TRIM44: variants seen among roughly 807,000 people sequenced by gnomAD.
The protein encoded by TRIM44 is tripartite motif-containing protein 44.
A neutral mutation model predicts 37.4 loss-of-function variants in TRIM44; 13 were observed. That is an observed-to-expected ratio of 0.35 (90% CI 0.23 to 0.55). The LOEUF (loss-of-function observed/expected upper bound fraction) is 0.55, where lower values mean the gene tolerates loss of function less well. Ranked by LOEUF, TRIM44 falls within the 20% of genes least tolerant of loss-of-function variation. The probability of loss-of-function intolerance (pLI) is 0.89; values close to 1 mark genes in which losing one functional copy is unlikely to be tolerated. For missense variants in TRIM44, 426 were observed against 437.2 expected, an observed-to-expected ratio of 0.97 and a Z score of 0.23; for synonymous variants, 175 against 157.2, an observed-to-expected ratio of 1.11 and a Z score of -0.85.
chr11:35,767,374 A>G (rs528407974), intron 4 of TRIM44, among the ~76,000 whole-genome samples: 153 of 152,282 alleles, frequency 1.0e-3, no homozygotes, highest in African/African-American at 2.5e-3. Flanking sequence ...TGAACATACA[A>G]GATCACCTTA....
At chr11:35,713,370 T>G (rs1564971202) in intron 2 of TRIM44, among the ~76,000 whole-genome samples, 1 of 152,220 alleles carries the variant, frequency 6.6e-6, no homozygotes, top group Non-Finnish European at 1.5e-5. Context: ...CTAAAGATGC[T>G]AGTAAGTTGC....
chr11:35,760,083 C>T (rs983027894), intron 4 of TRIM44, among the ~76,000 whole-genome samples: 5 of 152,204 alleles, frequency 3.3e-5, no homozygotes, highest in African/African-American at 1.2e-4. Flanking sequence ...TATGCCCTGC[C>T]CTCAGAGGTG....
At chr11:35,789,655 C>G (rs749039943) in intron 4 of TRIM44, among the ~76,000 whole-genome samples, 5 of 152,158 alleles carry the variant, frequency 3.3e-5, no homozygotes, top group Non-Finnish European at 7.3e-5. Flanking sequence ...CAGCAGGGAA[C>G]CTTGTCATCC....
chr11:35,801,596 G>A lies in TRIM44; in HGVS notation c.1008-4762G>A, dbSNP rs151276191. 3.4e-3 allele frequency among the ~76,000 whole-genome samples: 519 copies of A among 152,256 alleles called. 1 individual carries two copies. Among genetic ancestry groups the A allele is most frequent in the Non-Finnish European group, 5.7e-3 (391 of 68,010 alleles). ...TAAAAAATGGTCACAGTGAAACACTGTAAAATGATTATGATAAAATATAAT... is the reference window on the plus strand; with the variant it reads ...TAAAAAATGGTCACAGTGAAACACTATAAAATGATTATGATAAAATATAAT... On this transcript the variant is annotated intron_variant, in intron 4 of 4. Coordinates refer to ENST00000299413, the MANE Select transcript of TRIM44 (RefSeq NM_017583.6).
At chr11:35,695,491 G>A (rs2970320) in intron 2 of TRIM44, among the ~76,000 whole-genome samples, 42,945 of 151,846 alleles carry the variant, frequency 0.28, 6,488 homozygotes, top group Admixed American at 0.4. Flanking sequence ...AAACCAGTCC[G>A]TCTTTTCATT....
chr11:35,683,395 C>T (rs1277303403), intron 1 of TRIM44, among the ~76,000 whole-genome samples: 2 of 152,028 alleles, frequency 1.3e-5, no homozygotes, highest in Non-Finnish European at 2.9e-5. Flanking sequence ...ACTGTGTAGA[C>T]TTGAGAGGCA....
At chr11:35,763,191 TC>T (rs1852750996) in intron 4 of TRIM44, among the ~76,000 whole-genome samples, 1 of 152,004 alleles carries the variant, frequency 6.6e-6, no homozygotes, top group Non-Finnish European at 1.5e-5. Flanking sequence ...AACCATGCAA[TC>T]CACCCTAGTA....
At chr11:35,754,533 T>G (rs983490302) in intron 4 of TRIM44, among the ~76,000 whole-genome samples, 1 of 152,282 alleles carries the variant, frequency 6.6e-6, no homozygotes, top group East Asian at 1.9e-4. Flanking sequence ...ACTTTAAGTT[T>G]TAGGGTACAT....
intron 4 of TRIM44, among the ~76,000 whole-genome samples, chr11:35,798,207 A>G (rs1853318225): frequency 6.6e-6 from 1 of 152,214 alleles, no homozygotes; most frequent in African/African-American, 2.4e-5. Context: ...CACTGAATCA[A>G]AGGAAGCAAT....
At chr11:35,700,290 G>A (rs1395620231) in intron 2 of TRIM44, among the ~76,000 whole-genome samples, 1 of 152,130 alleles carries the variant, frequency 6.6e-6, no homozygotes, top group Non-Finnish European at 1.5e-5. Context: ...TAGTCAAGGT[G>A]TTCACACACA....
chr11:35,751,003 C>G (rs1284803351), intron 4 of TRIM44, among the ~76,000 whole-genome samples: 1 of 151,020 alleles, frequency 6.6e-6, no homozygotes, highest in Non-Finnish European at 1.5e-5. Flanking sequence ...GTTTTATGTT[C>G]TTTTTGTCTT....
rs972276043 is a variant in TRIM44 at position 35,722,253 on chromosome 11, A to C, written c.748-3671A>C. Among the ~76,000 whole-genome samples the C allele has an allele frequency of 3.3e-5, 5 of 152,360 alleles. No homozygotes were observed. In the South Asian group the frequency reaches 1.0e-3, roughly 32 times the overall value. Reference sequence around the variant, plus strand: ...CTTCAAACTCTATTTCATGCAGTCTACAATTTTTAAAGTTATTTTTGGAGT... The same window carrying C: ...CTTCAAACTCTATTTCATGCAGTCTCCAATTTTTAAAGTTATTTTTGGAGT... On this transcript the variant is annotated intron_variant, in intron 2 of 4. Coordinates refer to ENST00000299413, the MANE Select transcript of TRIM44 (RefSeq NM_017583.6).
At chr11:35,701,554 C>T (rs1851789138) in intron 2 of TRIM44, among the ~76,000 whole-genome samples, 1 of 152,132 alleles carries the variant, frequency 6.6e-6, no homozygotes, top group African/African-American at 2.4e-5. Flanking sequence ...GGGAATTGAA[C>T]CCTGAACCCA....
intron 4 of TRIM44, among the ~76,000 whole-genome samples, chr11:35,766,061 TTCTTC>T (rs2133862973): frequency 6.6e-6 from 1 of 152,306 alleles, no homozygotes; most frequent in Non-Finnish European, 1.5e-5. Context: ...ACAGTCTTCT[TTCTTC>T]TCTTTTTCTC....
intron 4 of TRIM44, among the ~76,000 whole-genome samples, chr11:35,777,075 A>G (rs1031184689): frequency 6.6e-6 from 1 of 152,092 alleles, no homozygotes; most frequent in African/African-American, 2.4e-5. Context: ...TCCCATTATT[A>G]TTGTGAGGGA....
At chr11:35,679,811 G>A (rs1186661760) in intron 1 of TRIM44, among the ~76,000 whole-genome samples, 2 of 152,206 alleles carry the variant, frequency 1.3e-5, no homozygotes, top group Admixed American at 6.5e-5. Context: ...GCCTCAGGCT[G>A]TGGATATATA....
rs1852846071 is a variant in TRIM44 at position 35,770,045 on chromosome 11, A to G, written c.1007+34600A>G. 2.6e-5 allele frequency among the ~76,000 whole-genome samples: 4 copies of G among 151,754 alleles called. 1 individual carries two copies. The South Asian group carries it at 8.3e-4, about 32-fold the overall frequency. On this transcript the variant is annotated intron_variant, in intron 4 of 4. Transcript: ENST00000299413. ...GAGTGTAGTACCTAATAGTTTTTCA[A>G]CCCTTGCCCCACTCCCTTCCCCGTC...
intron 4 of TRIM44, among the ~76,000 whole-genome samples, chr11:35,768,253 C>G (rs1358706513): frequency 6.6e-6 from 1 of 152,140 alleles, no homozygotes; most frequent in Non-Finnish European, 1.5e-5. Context: ...GTGGCAGGTA[C>G]CATGCAAAGT....
chr11:35,664,944 AAACTTATTTGAACT>A (rs570232986), intron 1 of TRIM44, among the ~76,000 whole-genome samples: 1 of 152,280 alleles, frequency 6.6e-6, no homozygotes, highest in Admixed American at 6.5e-5. Context: ...ATGCATTCCT[AAACTTATTTGAACT>A]TGACACTATG....
Sources: gnomAD v4.1 joint callset for allele counts (sites outside exome capture counted in the v4.1 genomes callset) on GRCh38, gnomAD v4.1.1 for gene constraint, MANE v1.5 for transcripts, NCBI Gene and HGNC (gene_info 2026-07-23, HGNC 2026-07-21) for gene names.